The following ATP2C2 variants were observed in gnomAD, a reference collection of about 807,000 sequenced individuals.
ATP2C2 encodes ATPase secretory pathway Ca2+ transporting 2.
Under a neutral mutation model 110.8 loss-of-function variants are expected in ATP2C2, and 171 were observed. The observed-to-expected ratio is 1.54, with a 90% confidence interval of 1.36 to 1.75. The LOEUF (loss-of-function observed/expected upper bound fraction) is 1.75, where lower values mean the gene tolerates loss of function less well. Among genes scored for constraint, ATP2C2 ranks in the 40% most tolerant of loss-of-function variants. The pLI is 0.00. For missense variants in ATP2C2, 1,963 were observed against 1,235.0 expected (o/e 1.59, Z -8.84); for synonymous variants, 804 against 508.4 (o/e 1.58, Z -7.82).
chr16:84,397,819 G>A (rs1021334254), intron 1 of ATP2C2, among the ~76,000 whole-genome samples: 1 of 151,796 alleles, frequency 6.6e-6, no homozygotes, highest in East Asian at 1.9e-4. Flanking sequence ...GTTGCTACAT[G>A]CATTCTCACT....
chr16:84,441,603 G>A (rs247898), intron 14 of ATP2C2, among the ~76,000 whole-genome samples: 101,725 of 152,070 alleles, frequency 0.67, 34,336 homozygotes, highest in African/African-American at 0.72. Context: ...CACAGCAAAC[G>A]CTGTCTTGGT....
chr16:84,461,402 C>T, intron 24 of ATP2C2: 1 of 500,976 alleles, frequency 2.0e-6, no homozygotes, highest in East Asian at 3.6e-5. Flanking sequence ...AGGAAATGAC[C>T]TTCACTCTGG....
intron 1 of ATP2C2, among the ~76,000 whole-genome samples, chr16:84,375,540 C>CAAAAAA (rs34953788): frequency 7.6e-6 from 1 of 130,884 alleles, no homozygotes; most frequent in Non-Finnish European, 1.6e-5. Context: ...GACTCTGTCT[C>CAAAAAA]AAAAAAAAAA....
chr16:84,406,709 C>T (rs748321268), intron 3 of ATP2C2: 4 of 928,588 alleles, frequency 4.3e-6, no homozygotes, highest in Non-Finnish European at 5.1e-6. Context: ...TGAGAAGAGG[C>T]AGTGGAGGCT....
chr16:84,451,490 A>T (rs1260021023), intron 17 of ATP2C2, among the ~76,000 whole-genome samples: 1 of 152,132 alleles, frequency 6.6e-6, no homozygotes, highest in East Asian at 1.9e-4. Context: ...CAGGCTAGGG[A>T]CTTGTTGCCT....
intron 1 of ATP2C2, among the ~76,000 whole-genome samples, chr16:84,393,810 C>T (rs1462353719): frequency 2.6e-5 from 4 of 151,348 alleles, no homozygotes; most frequent in African/African-American, 7.3e-5. Flanking sequence ...GTCAGGAGGA[C>T]GGTTTCTAAG....
intron 18 of ATP2C2, 39 bp downstream of exon 18, chr16:84,452,130 C>T (rs1227666885): frequency 6.8e-6 from 11 of 1,608,280 alleles, no homozygotes; most frequent in Admixed American, 3.4e-5. Context: ...CGAAAGGACC[C>T]ATCCATCCTT....
chr16:84,461,964 C>A lies in ATP2C2; in HGVS notation c.2581-24C>A, dbSNP rs775891086. The A allele has an allele frequency of 3.7e-6, 6 of 1,611,054 alleles. No homozygotes were observed. The African/African-American group carries it at 5.3e-5, about 14-fold the overall frequency. ...CCTGGGGTGTGGACAGCACACAATC[C>A]CCCGTGTGACCTTCTCCCTGCAGAC... On this transcript the variant is annotated intron_variant, in intron 25 of 26. Coordinates refer to ENST00000262429, the MANE Select transcript of ATP2C2 (RefSeq NM_014861.4).
chr16:84,459,513 C>A (rs1421304496), intron 23 of ATP2C2, 127 bp downstream of exon 23: 1 of 1,565,052 alleles, frequency 6.4e-7, no homozygotes. Flanking sequence ...CAGGAGTTCC[C>A]AGAAAACTGA....
At chr16:84,430,685 A>T (rs997360889) in intron 11 of ATP2C2, among the ~76,000 whole-genome samples, 1 of 150,744 alleles carries the variant, frequency 6.6e-6, no homozygotes, top group Non-Finnish European at 1.5e-5. Context: ...CAAGGAATTG[A>T]AGAGGGAGGG....
chr16:84,460,626 C>T (rs772227480), intron 23 of ATP2C2, 28 bp from the exon 24 acceptor site: 3 of 1,614,078 alleles, frequency 1.9e-6, no homozygotes, highest in Middle Eastern at 1.7e-4. Flanking sequence ...TGGTTCATTT[C>T]AAAGTGTCTG....
At chr16:84,408,907 A>G (rs1906025465) in intron 4 of ATP2C2, among the ~76,000 whole-genome samples, 1 of 152,054 alleles carries the variant, frequency 6.6e-6, no homozygotes, top group African/African-American at 2.4e-5. Flanking sequence ...TGACTATTTC[A>G]CAGTGAACAA....
chr16:84,462,375 G>C (rs1019598492), intron 26 of ATP2C2: 4 of 449,762 alleles, frequency 8.9e-6, no homozygotes, highest in Non-Finnish European at 1.6e-5. Context: ...TGGGGCCCAA[G>C]GGGCACCGGC....
chr16:84,405,418 C>T (rs749299970), intron 3 of ATP2C2, among the ~76,000 whole-genome samples, 174 bp downstream of exon 3: 2 of 152,080 alleles, frequency 1.3e-5, no homozygotes, highest in Non-Finnish European at 2.9e-5. Flanking sequence ...CCCAGGCAAC[C>T]GCGATCAGGA....
chr16:84,450,971 CT>C (rs995835044), intron 17 of ATP2C2, among the ~76,000 whole-genome samples: 1 of 152,146 alleles, frequency 6.6e-6, no homozygotes, highest in Non-Finnish European at 1.5e-5. Flanking sequence ...TCTGCAGCCA[CT>C]TTTGTTGGGA....
chr16:84,462,096 A>G lies in ATP2C2; in HGVS notation c.2689A>G (p.Arg897Gly), dbSNP rs770161102. ...GGTCATTTACATCCCCCCGCTGCAG[A>G]GGGTCTTCCAGACGGAGAACCTGGG... is the stretch of plus-strand genomic sequence containing the variant. The part of the protein sequence containing the change: ...LAVIYIPPLQ[R>G]VFQTENLGAL... The change falls in exon 26 of 27, where the codon AGG becomes GGG. Residue 897 changes from arginine to glycine, a missense_variant. Arg to Gly is a moderately radical substitution (Grantham distance 125). Transcript: ENST00000262429. 1.1e-5 allele frequency: 17 copies of G among 1,613,786 alleles called. No homozygotes were observed. Among genetic ancestry groups the G allele is most frequent in the Non-Finnish European group, 1.4e-5 (17 of 1,179,912 alleles).
Position 84,414,454 on chromosome 16 carries a change from T to C in ATP2C2, c.516-1029T>C, listed in dbSNP as rs528604851. Among the ~76,000 whole-genome samples, 13 of 152,226 alleles carry C rather than the reference T, an allele frequency of 8.5e-5. No individual in the cohort carries two copies. The East Asian group carries it at 2.3e-3, about 27-fold the overall frequency. ...CACAGCCAAACACGCAAAGGCCCTATAGAAGAAGGGTGTGTGTGTGTGCGT... is the reference window on the plus strand; with the variant it reads ...CACAGCCAAACACGCAAAGGCCCTACAGAAGAAGGGTGTGTGTGTGTGCGT... On this transcript the variant is annotated intron_variant, in intron 6 of 26. Coordinates refer to ENST00000262429, the MANE Select transcript of ATP2C2 (RefSeq NM_014861.4).
chr16:84,430,372 G>A (rs1245170408), intron 11 of ATP2C2, among the ~76,000 whole-genome samples: 2 of 152,162 alleles, frequency 1.3e-5, no homozygotes, highest in African/African-American at 2.4e-5. Flanking sequence ...CGGGTGCGGT[G>A]GCTCACGTCT....
intron 20 of ATP2C2, among the ~76,000 whole-genome samples, chr16:84,454,603 G>C (rs1486345511): frequency 1.3e-5 from 2 of 152,200 alleles, no homozygotes; most frequent in Non-Finnish European, 2.9e-5. Flanking sequence ...GCCCTGGGAA[G>C]AAGAAACTGT....
Sources: allele counts gnomAD v4.1 joint callset (sites outside exome capture counted in the v4.1 genomes callset), GRCh38; gene constraint gnomAD v4.1.1; transcripts MANE v1.5; gene names NCBI Gene and HGNC (gene_info 2026-07-23, HGNC 2026-07-21).